NRG1: variants seen among roughly 807,000 people sequenced by gnomAD.
NRG1 encodes pro-neuregulin-1, membrane-bound isoform.
A neutral mutation model predicts 63.8 loss-of-function variants in NRG1; 18 were observed. The observed-to-expected ratio is 0.28, with a 90% CI of 0.19 to 0.42. The LOEUF (loss-of-function observed/expected upper bound fraction) is 0.42. Among genes scored for constraint, NRG1 ranks in the 10% least tolerant of loss-of-function variants. NRG1 has a pLI of 1.00. For missense variants in NRG1, 762 were observed against 814.7 expected, an observed-to-expected ratio of 0.94 and a Z score of 0.79; for synonymous variants, 302 against 301.3, an observed-to-expected ratio of 1.00 and a Z score of -0.02.
At chr8:32,029,077 A>T (rs1277898184) in intron 1 of NRG1, among the ~76,000 whole-genome samples, 1 of 152,206 alleles carries the variant, frequency 6.6e-6, no homozygotes, top group Non-Finnish European at 1.5e-5. Context: ...ACTTTAGGAA[A>T]GTGTCTTCTA....
chr8:32,512,618 A>C (rs1003845478), intron 1 of NRG1, among the ~76,000 whole-genome samples: 1 of 152,174 alleles, frequency 6.6e-6, no homozygotes, highest in Non-Finnish European at 1.5e-5. Context: ...TGATGACATG[A>C]ATGAGGCACA....
intron 1 of NRG1, among the ~76,000 whole-genome samples, chr8:32,041,067 G>A (rs1480576745): frequency 3.3e-5 from 5 of 151,726 alleles, no homozygotes; most frequent in Non-Finnish European, 5.9e-5. Context: ...ATTAATTTCC[G>A]AATGTTAAAA....
chr8:31,639,688 G>A (rs1203666319), intron 1 of NRG1: 6 of 1,402,000 alleles, frequency 4.3e-6, no homozygotes, highest in South Asian at 1.6e-5. Flanking sequence ...GGGGGGTGGG[G>A]GGACCTGTCA....
chr8:32,529,972 T>C (rs1831273339), intron 1 of NRG1, among the ~76,000 whole-genome samples: 1 of 152,226 alleles, frequency 6.6e-6, no homozygotes, highest in Non-Finnish European at 1.5e-5. Flanking sequence ...GTACTGTGCA[T>C]AATTGCACGG....
exon 12 of NRG1, chr8:32,763,888 C>T (rs775055294): frequency 1.2e-6 from 2 of 1,614,098 alleles, no homozygotes; most frequent in South Asian, 2.2e-5. Context: ...GCGGTCAGCC[C>T]CTTCATGGAA....
At chr8:31,927,694 C>A (rs566409644) in intron 1 of NRG1, among the ~76,000 whole-genome samples, 10 of 149,070 alleles carry the variant, frequency 6.7e-5, no homozygotes, top group African/African-American at 2.5e-4. Flanking sequence ...GTGATCCGCC[C>A]GCCTCGGCCT....
intron 1 of NRG1, among the ~76,000 whole-genome samples, chr8:32,491,040 TC>T (rs1226105525): frequency 6.6e-6 from 1 of 152,198 alleles, no homozygotes; most frequent in African/African-American, 2.4e-5. Context: ...AACTAATTTT[TC>T]CCCCTTCATC....
chr8:31,991,162 T>C (rs1255251722), intron 1 of NRG1, among the ~76,000 whole-genome samples: 1 of 152,056 alleles, frequency 6.6e-6, no homozygotes, highest in African/African-American at 2.4e-5. Context: ...TCTGTCCTAA[T>C]GGATTGTTTT....
intron 1 of NRG1, among the ~76,000 whole-genome samples, chr8:32,437,935 T>C (rs968778643): frequency 4.6e-5 from 7 of 152,194 alleles, no homozygotes; most frequent in Non-Finnish European, 7.3e-5. Context: ...ACTTAATAAA[T>C]TTTAAAACAG....
At chr8:32,152,052 C>G (rs1663287071) in intron 1 of NRG1, among the ~76,000 whole-genome samples, 1 of 152,222 alleles carries the variant, frequency 6.6e-6, no homozygotes, top group African/African-American at 2.4e-5. Flanking sequence ...ATTCACGTTG[C>G]ATCACAAGAG....
intron 1 of NRG1, among the ~76,000 whole-genome samples, chr8:32,452,581 A>T (rs1323351620): frequency 6.6e-6 from 1 of 152,180 alleles, no homozygotes; most frequent in Non-Finnish European, 1.5e-5. Flanking sequence ...TTGGGGCTTA[A>T]TTGTAAAAAC....
At chr8:32,434,214 TA>T (rs1485153338) in intron 1 of NRG1, among the ~76,000 whole-genome samples, 1 of 146,522 alleles carries the variant, frequency 6.8e-6, no homozygotes, top group Non-Finnish European at 1.5e-5. Context: ...TAAAATAAAA[TA>T]AAAAACTTAG....
intron 1 of NRG1, among the ~76,000 whole-genome samples, chr8:31,968,413 AT>A (rs1482222057): frequency 1.3e-5 from 2 of 152,200 alleles, no homozygotes; most frequent in Non-Finnish European, 2.9e-5. Context: ...TACTCACCCT[AT>A]TCCCAAAGAG....
At chr8:31,844,947 C>T (rs1420871232) in intron 1 of NRG1, among the ~76,000 whole-genome samples, 1 of 151,736 alleles carries the variant, frequency 6.6e-6, no homozygotes, top group African/African-American at 2.4e-5. Context: ...TCTCTACTAA[C>T]AATACAAAAA....
At chr8:31,868,479 T>G (rs956483974) in intron 1 of NRG1, among the ~76,000 whole-genome samples, 1 of 152,204 alleles carries the variant, frequency 6.6e-6, no homozygotes, top group African/African-American at 2.4e-5. Flanking sequence ...ATTATCCTGA[T>G]TTCAGTGGAT....
At chr8:32,502,704 T>G (rs4733343) in intron 1 of NRG1, among the ~76,000 whole-genome samples, 112,211 of 151,376 alleles carry the variant, frequency 0.74, 41,876 homozygotes, top group East Asian at 0.89. Context: ...CTCCTTGTAC[T>G]CTTTGCCTGC....
intron 1 of NRG1, among the ~76,000 whole-genome samples, chr8:32,509,401 T>C (rs765642753): frequency 6.6e-6 from 1 of 152,160 alleles, no homozygotes; most frequent in Non-Finnish European, 1.5e-5. Context: ...GCCTGAATTG[T>C]TTCTATTATT....
chr8:31,908,938 A>G (rs976342831), intron 1 of NRG1, among the ~76,000 whole-genome samples: 1 of 152,188 alleles, frequency 6.6e-6, no homozygotes, highest in Non-Finnish European at 1.5e-5. Context: ...TTTCAAATAT[A>G]TAATTTTTTG....
intron 1 of NRG1, among the ~76,000 whole-genome samples, chr8:32,253,772 G>A (rs534891811): frequency 6.6e-6 from 1 of 152,180 alleles, no homozygotes; most frequent in Non-Finnish European, 1.5e-5. Context: ...AATGGTACCA[G>A]CTCCTCTTTG....
Sources: allele counts gnomAD v4.1 joint callset (sites outside exome capture counted in the v4.1 genomes callset), GRCh38; gene constraint gnomAD v4.1.1; transcripts MANE v1.5; gene names NCBI Gene and HGNC (gene_info 2026-07-23, HGNC 2026-07-21).